The following SMG1 variants were observed in gnomAD, a reference collection of about 807,000 sequenced individuals.
SMG1 encodes the protein SMG1 nonsense mediated mRNA decay associated PI3K related kinase, also known as serine/threonine-protein kinase SMG1.
A neutral mutation model predicts 419.9 loss-of-function variants in SMG1; 22 were observed. That is an observed-to-expected ratio of 0.05 (90% CI 0.04 to 0.07). The LOEUF is 0.07. Ranked by LOEUF, SMG1 falls within the 10% of genes least tolerant of loss-of-function variation. The pLI is 1.00. For synonymous variants in SMG1, 1,538 were observed against 1,553.5 expected (o/e 0.99, Z 0.23); for missense variants, 3,185 against 4,342.0 (o/e 0.73, Z 7.49).
intron 1 of SMG1, among the ~76,000 whole-genome samples, chr16:18,908,772 C>T (rs2037678309): frequency 2.0e-5 from 3 of 151,538 alleles, no homozygotes; most frequent in Admixed American, 1.3e-4. Context: ...CCCAGCTACT[C>T]GGGAGGCTGA....
At chr16:18,811,904 C>T (rs1180196599) in intron 61 of SMG1, 37 bp from the exon 62 acceptor site, 17 of 1,612,734 alleles carry the variant, frequency 1.1e-5, no homozygotes, top group Non-Finnish European at 1.4e-5. Context: ...GTCAAACCGT[C>T]ATTTTATATA....
chr16:18,818,381 G>A (rs763928864), intron 56 of SMG1, among the ~76,000 whole-genome samples: 13 of 151,446 alleles, frequency 8.6e-5, no homozygotes, highest in Non-Finnish European at 1.6e-4. Flanking sequence ...GCAAAACTCC[G>A]TCTCAAAAAA....
intron 36 of SMG1, among the ~76,000 whole-genome samples, chr16:18,848,321 T>C (rs1014092813): frequency 8.9e-5 from 4 of 44,756 alleles, no homozygotes; most frequent in Non-Finnish European, 1.6e-4. Context: ...TATAATCCTT[T>C]TTTTTTTTTT....
At chr16:18,909,470 G>A (rs1257425017) in intron 1 of SMG1, among the ~76,000 whole-genome samples, 4 of 151,952 alleles carry the variant, frequency 2.6e-5, no homozygotes, top group Non-Finnish European at 4.4e-5. Context: ...CTCGAGCCCA[G>A]GAGTTTGAGA....
intron 1 of SMG1, among the ~76,000 whole-genome samples, chr16:18,921,087 G>C (rs1003485961): frequency 1.3e-5 from 2 of 149,596 alleles, no homozygotes; most frequent in Non-Finnish European, 3.0e-5. Context: ...CAAGTGAGCT[G>C]AGATTGTGCC....
At position 18,850,339 on chromosome 16, in the gene SMG1, T is replaced by C; in HGVS notation, c.5181A>G (p.Glu1727=). The C allele has an allele frequency of 6.2e-7, 1 of 1,613,954 alleles. No individual in the cohort carries two copies. The highest frequency in any genetic ancestry group is 8.5e-7 in the Non-Finnish European group (1 of 1,179,866). ...CTTTCCTCCACACTTTAATAACTCCTTCAGTTGCACTTTCATCAAGTTCTG... is the reference window on the plus strand; with the variant it reads ...CTTTCCTCCACACTTTAATAACTCCCTCAGTTGCACTTTCATCAAGTTCTG... The part of the protein sequence containing the change: ...WLSELDESAT[E]GVIKVWRKVV... Residue 1727 remains glutamate, a synonymous_variant, in exon 34 of 63, where the codon GAA becomes GAG. Coordinates refer to ENST00000446231, the MANE Select transcript of SMG1 (RefSeq NM_015092.5).
At chr16:18,919,655 T>A (rs573980215) in intron 1 of SMG1, among the ~76,000 whole-genome samples, 1 of 79,970 alleles carries the variant, frequency 1.3e-5, no homozygotes, top group Non-Finnish European at 2.5e-5. Flanking sequence ...TGTGTGTATA[T>A]ATACACACAC....
At chr16:18,870,964 T>C in intron 16 of SMG1, 76 bp from the exon 17 acceptor site, 1 of 751,108 alleles carries the variant, frequency 1.3e-6, no homozygotes, top group Non-Finnish European at 2.2e-6. Context: ...ATTATCTGAA[T>C]CCATTCATTC....
intron 26 of SMG1, 44 bp from the exon 27 acceptor site, chr16:18,859,747 T>G: frequency 6.7e-7 from 1 of 1,496,080 alleles, no homozygotes; most frequent in Non-Finnish European, 9.0e-7. Context: ...TGTGCTTTTA[T>G]TATAAATTTT....
At chr16:18,827,973 T>A (rs1015440733) in intron 55 of SMG1, 58 bp downstream of exon 55, 1 of 1,541,582 alleles carries the variant, frequency 6.5e-7, no homozygotes, top group Non-Finnish European at 8.8e-7. Context: ...CTAACAATCA[T>A]AGTATTGGTT....
rs2031888865 is a variant in SMG1, at chr16:18,815,199, T to C, written c.10597A>G (p.Thr3533Ala). The C allele has an allele frequency of 1.3e-6, 2 of 1,593,544 alleles. No homozygotes were observed. The highest frequency in any genetic ancestry group is 1.3e-5 in the African/African-American group (1 of 74,502). The change falls in exon 60 of 63, where the codon ACT (threonine) becomes GCT (alanine). Residue 3533 changes from threonine to alanine, a missense_variant. Physicochemically the swap from Thr to Ala is moderately conservative, Grantham distance 58. Transcript: ENST00000446231. The part of the protein sequence containing the change: ...NECSSPTSSA[T>A]YQPSFAAAVR... ...CCTGCAGCGAAGGATGGCTGATAAG[T>C]AGCAGATGACGTTGGACTCGAACAT...
At chr16:18,884,883 T>C in intron 8 of SMG1, 2 of 558,918 alleles carry the variant, frequency 3.6e-6, no homozygotes, top group Middle Eastern at 9.4e-4. Context: ...CTTGGGTAAG[T>C]CCTGTCTGTA....
In SMG1 at chr16:18,872,171, T is replaced by C; in HGVS notation, c.2183+13A>G. 3.6e-6 allele frequency: 5 copies of C among 1,379,766 alleles called. No homozygotes were observed. In the South Asian group the frequency reaches 6.4e-5, roughly 18 times the overall value. The allele number at this position is 1,379,766 out of a possible 1,614,324, so 85.5% of individuals were successfully genotyped here. On this transcript the variant is annotated intron_variant, in intron 15 of 62. Transcript: ENST00000446231. ...AAAGTTAGGAATAGTTAATACTATA[T>C]AATATCTGTTACCTCGTGTCCTGGT...
intron 1 of SMG1, among the ~76,000 whole-genome samples, chr16:18,903,934 C>CTTTTTT (rs71141091): frequency 1.1e-3 from 110 of 99,840 alleles, no homozygotes; most frequent in African/African-American, 2.3e-3. Flanking sequence ...TATGTCTTGT[C>CTTTTTT]TTTTTTTTTT....
In SMG1 at chr16:18,914,235, G is replaced by A. The variant is rs532061735; in HGVS notation, c.92+11715C>T. ...AATAAACAAAAAAAGTCTATAATAG[G>A]TTTTTAAATAACCATAAAGTCCTAC... On this transcript the variant is annotated intron_variant, in intron 1 of 62. Transcript: ENST00000446231. Among the ~76,000 whole-genome samples the A allele has an allele frequency of 3.3e-5, 5 of 151,636 alleles. No homozygotes were observed. The South Asian group carries it at 8.3e-4, about 25-fold the overall frequency.
At chr16:18,890,554 G>A (rs2036829800) in intron 5 of SMG1, among the ~76,000 whole-genome samples, 1 of 152,194 alleles carries the variant, frequency 6.6e-6, no homozygotes, top group South Asian at 2.1e-4. Flanking sequence ...GGAGGCTGAG[G>A]CAGGAGAATC....
At chr16:18,923,207 A>G (rs535171720) in intron 1 of SMG1, among the ~76,000 whole-genome samples, 5 of 152,298 alleles carry the variant, frequency 3.3e-5, no homozygotes, top group African/African-American at 9.6e-5. Flanking sequence ...CTCTTGCCAT[A>G]AGACATTCAC....
At position 18,812,061 on chromosome 16, in the gene SMG1, A is replaced by G. The variant is rs1209585528; in HGVS notation, c.10688T>C (p.Ile3563Thr). The change falls in exon 61 of 63, where the codon ATC becomes ACC. Residue 3563 changes from isoleucine (I) to threonine (T), a missense_variant. Transcript: ENST00000446231. Reference protein sequence around the residue: ...DVMSQNARKLIQKNLATSADT... With the variant: ...DVMSQNARKLTQKNLATSADT... ...AGCTGATGTAGCAAGATTTTTTTGG[A>G]TCAGCTTTCTAGCATTCTGTGACAT... is the stretch of plus-strand genomic sequence containing the variant. The G allele has an allele frequency of 6.2e-7, 1 of 1,613,844 alleles. No homozygotes were observed. The highest frequency in any genetic ancestry group is 8.5e-7 in the Non-Finnish European group (1 of 1,179,840).
chr16:18,877,123 T>C lies in SMG1; in HGVS notation c.1620+8A>G, dbSNP rs866921739. The C allele has an allele frequency of 3.9e-6, 6 of 1,534,198 alleles. No individual in the cohort carries two copies. Among genetic ancestry groups the C allele is most frequent in the Middle Eastern group, 2.3e-4 (1 of 4,314 alleles). ...GTTGTCAAAATTCATTATCAATGTA[T>C]TACTTACCTCTTTTTCTTTATGATA... On this transcript the variant is annotated splice_region_variant and intron_variant, in intron 12 of 62. Coordinates refer to ENST00000446231, the MANE Select transcript of SMG1 (RefSeq NM_015092.5).
Sources: gnomAD v4.1 joint callset for allele counts (sites outside exome capture counted in the v4.1 genomes callset) on GRCh38, gnomAD v4.1.1 for gene constraint, MANE v1.5 for transcripts, NCBI Gene and HGNC (gene_info 2026-07-23, HGNC 2026-07-21) for gene names.